Variants in PRICKLE2 observed in about 807,000 individuals in gnomAD.
PRICKLE2 encodes prickle-like protein 2.
A neutral mutation model predicts 81.4 loss-of-function variants in PRICKLE2; 21 were observed. The observed-to-expected ratio is 0.26, with a 90% CI of 0.18 to 0.37. The LOEUF (loss-of-function observed/expected upper bound fraction) is 0.37. Among genes scored for constraint, PRICKLE2 ranks in the 10% least tolerant of loss-of-function variants. The probability of loss-of-function intolerance (pLI) is 1.00; values close to 1 mark genes in which losing one functional copy is unlikely to be tolerated. For synonymous variants in PRICKLE2, 456 were observed against 421.5 expected, an observed-to-expected ratio of 1.08 and a Z score of -1.00; for missense variants, 940 against 1,109.0, an observed-to-expected ratio of 0.85 and a Z score of 2.16.
intron 1 of PRICKLE2, among the ~76,000 whole-genome samples, chr3:64,211,034 A>C (rs146088038): frequency 1.9e-3 from 294 of 152,288 alleles, no homozygotes; most frequent in African/African-American, 6.8e-3. Flanking sequence ...CCTCTGGGAG[A>C]CAGTACAGAA....
At chr3:64,257,482 A>G (rs142561626) in intron 2 of PRICKLE2, among the ~76,000 whole-genome samples, 294 of 152,280 alleles carry the variant, frequency 1.9e-3, no homozygotes, top group African/African-American at 6.8e-3. Flanking sequence ...AGGGAAGAAA[A>G]GGCTGATTTG....
At chr3:64,116,382 G>C (rs2076934249) in intron 7 of PRICKLE2, among the ~76,000 whole-genome samples, 1 of 151,402 alleles carries the variant, frequency 6.6e-6, no homozygotes, top group South Asian at 2.1e-4. Flanking sequence ...ACACAAAAAA[G>C]CCATTCAAAA....
At chr3:64,180,275 A>G (rs1372405840) in intron 2 of PRICKLE2, among the ~76,000 whole-genome samples, 1 of 152,210 alleles carries the variant, frequency 6.6e-6, no homozygotes, top group Non-Finnish European at 1.5e-5. Context: ...CCAATTCCTG[A>G]GAGTTATCTA....
Position 64,096,908 on chromosome 3 carries a change from A to C in PRICKLE2, c.*2143T>G, listed in dbSNP as rs757984307. 3.3e-5 allele frequency: 5 copies of C among 152,614 alleles called. No homozygotes were observed. The highest frequency in any genetic ancestry group is 7.4e-5 in the Non-Finnish European group (5 of 68,026). The allele number at this position is 152,614 out of a possible 1,614,324, so 9.5% of individuals were successfully genotyped here. A position where few individuals can be genotyped will look rare whatever the true frequency, so the allele number is the denominator to read the frequency against. On this transcript the variant is annotated 3_prime_UTR_variant, in exon 8 of 8. Coordinates refer to ENST00000638394, the MANE Select transcript of PRICKLE2 (RefSeq NM_198859.4). ...CTACTTTTCCCCCTCTCTTTTTCCA[A>C]AATTGCCTTTTTAGTTTCATCAATC...
intron 2 of PRICKLE2, among the ~76,000 whole-genome samples, chr3:64,239,850 C>T (rs1333554486): frequency 6.7e-6 from 1 of 149,070 alleles, no homozygotes; most frequent in Non-Finnish European, 1.5e-5. Context: ...TGCTGTGGCT[C>T]ATGCCTGTAA....
chr3:64,202,717 TAG>T (rs1343183724), intron 1 of PRICKLE2, among the ~76,000 whole-genome samples: 2 of 151,562 alleles, frequency 1.3e-5, no homozygotes, highest in Admixed American at 6.6e-5. Flanking sequence ...CATGTGCAAA[TAG>T]AGAGTTTTAC....
chr3:64,162,440 A>G (rs969587234), intron 3 of PRICKLE2, among the ~76,000 whole-genome samples: 4 of 152,186 alleles, frequency 2.6e-5, no homozygotes, highest in African/African-American at 9.7e-5. Flanking sequence ...TTCTGGGTTC[A>G]GAAAAAAGGA....
Position 64,147,804 on chromosome 3 carries a change from C to G in PRICKLE2, c.788-102G>C, listed in dbSNP as rs2107016678. 2 of 1,264,114 alleles carry G rather than the reference C, an allele frequency of 1.6e-6. No homozygotes were observed. Among genetic ancestry groups the G allele is most frequent in the East Asian group, 4.7e-5 (2 of 42,734 alleles). 78.3% of individuals were successfully genotyped at this position (1,264,114 alleles called of 1,614,324 possible). A position where few individuals can be genotyped will look rare whatever the true frequency, so the allele number is the denominator to read the frequency against. On this transcript the variant is annotated intron_variant, in intron 6 of 7. Coordinates refer to ENST00000638394, the MANE Select transcript of PRICKLE2 (RefSeq NM_198859.4). This position sits in a 1 kb window ranked among gnomAD's most constrained non-coding sequence, Gnocchi z 5.0. Reference sequence around the variant, plus strand: ...TTGGTTTGTCTCAGGATTCCAGGTGCGGCAGGATAAACTGTCAATAAATCA... The same window carrying G: ...TTGGTTTGTCTCAGGATTCCAGGTGGGGCAGGATAAACTGTCAATAAATCA...
At chr3:64,229,313 A>G (rs1011540426), upstream of PRICKLE2, among the ~76,000 whole-genome samples, 10 of 152,174 alleles carry the variant, frequency 6.6e-5, no homozygotes, top group Non-Finnish European at 1.5e-4. Context: ...GGGAAAGGTC[A>G]AGTACATCTC....
At position 64,195,628 on chromosome 3, in the gene PRICKLE2, G is replaced by A. The variant is rs143342774; in HGVS notation, c.144+3156C>T. On this transcript the variant is annotated intron_variant, in intron 2 of 7. Coordinates refer to ENST00000638394, the MANE Select transcript of PRICKLE2 (RefSeq NM_198859.4). ...AACATCAGAATTTTTATTAGTGAACGGCATTTAGGAACTCAATTTTTTCTT... is the reference window on the plus strand; with the variant it reads ...AACATCAGAATTTTTATTAGTGAACAGCATTTAGGAACTCAATTTTTTCTT... Among the ~76,000 whole-genome samples the A allele has an allele frequency of 4.4e-4, 67 of 151,646 alleles. 1 individual carries two copies. Among genetic ancestry groups the A allele is most frequent in the East Asian group, 3.7e-3 (19 of 5,172 alleles).
intron 1 of PRICKLE2, among the ~76,000 whole-genome samples, chr3:64,206,273 T>G (rs1333119128): frequency 6.6e-6 from 1 of 152,112 alleles, no homozygotes; most frequent in Non-Finnish European, 1.5e-5. Context: ...CAAGCACAGC[T>G]CAAGGCCACT....
chr3:64,217,929 G>A (rs771260372), intron 1 of PRICKLE2, among the ~76,000 whole-genome samples: 5 of 152,092 alleles, frequency 3.3e-5, no homozygotes, highest in South Asian at 2.1e-4. Context: ...CAACCTCTTC[G>A]GGCTTCCTTA....
rs190503920 is a variant in PRICKLE2, at chr3:64,259,302, C to T, written c.129-60335G>A. On this transcript the variant is annotated intron_variant, in intron 2 of 8. Transcript: ENST00000295902. ...ATATTCACTTGTGCTAAGTGCACCA[C>T]AAGTTTTATCTCATTTAATTTTATA... Among the ~76,000 whole-genome samples the T allele has an allele frequency of 2.8e-3, 421 of 152,252 alleles. 1 individual carries two copies. The highest frequency in any genetic ancestry group is 4.9e-3 in the Non-Finnish European group (330 of 68,022).
In PRICKLE2 at chr3:64,153,214, G is replaced by A. The variant is rs2077574781; in HGVS notation, c.755C>T (p.Ala252Val). 1 of 1,614,076 alleles carries A rather than the reference G, an allele frequency of 6.2e-7. No individual in the cohort carries two copies. Among genetic ancestry groups the A allele is most frequent in the Non-Finnish European group, 8.5e-7 (1 of 1,180,038 alleles). The stretch of plus-strand genomic sequence containing the variant: ...TTGGGCACAGGTGTCACAATATTCT[G>A]CATACAAGGACTCGAAGCAGTGGCA... Reference protein sequence around the residue: ...YCCHCFESLYAEYCDTCAQHI... With the variant: ...YCCHCFESLYVEYCDTCAQHI... Residue 252 changes from alanine to valine, a missense_variant, in exon 6 of 8, where the codon GCA (alanine) becomes GTA (valine). Ala to Val is a moderately conservative substitution (Grantham distance 64, BLOSUM62 0). Transcript: ENST00000638394.
chr3:64,149,278 C>G (rs760516181), intron 6 of PRICKLE2, among the ~76,000 whole-genome samples: 1 of 152,162 alleles, frequency 6.6e-6, no homozygotes, highest in Non-Finnish European at 1.5e-5. Flanking sequence ...TGATCTGGGG[C>G]CCAACATAGG....
intron 6 of PRICKLE2, among the ~76,000 whole-genome samples, chr3:64,148,169 C>T (rs148802337): frequency 5.3e-4 from 80 of 152,278 alleles, no homozygotes; most frequent in African/African-American, 1.8e-3. Context: ...GAACCAGAGA[C>T]GAGATCTGTA....
chr3:64,129,121 C>A (rs78263660), intron 7 of PRICKLE2, among the ~76,000 whole-genome samples: 3 of 151,916 alleles, frequency 2.0e-5, no homozygotes, highest in Non-Finnish European at 4.4e-5. Flanking sequence ...GGGATCAGGG[C>A]GTAAAATCAT....
intron 2 of PRICKLE2, among the ~76,000 whole-genome samples, chr3:64,170,445 C>CTATT (rs1168497178): frequency 2.0e-5 from 3 of 152,186 alleles, no homozygotes; most frequent in African/African-American, 7.2e-5. Context: ...CTCGCCTGAG[C>CTATT]TATTGCTGTG....
chr3:64,255,786 G>A (rs991595496), intron 2 of PRICKLE2, among the ~76,000 whole-genome samples: 1 of 152,178 alleles, frequency 6.6e-6, no homozygotes, highest in African/African-American at 2.4e-5. Flanking sequence ...AAAGACGTGT[G>A]GTCATATGTC....
Sources: gnomAD v4.1 joint callset for allele counts (sites outside exome capture counted in the v4.1 genomes callset) on GRCh38, gnomAD v4.1.1 for gene constraint, Gnocchi (gnomAD v3.1) non-coding constraint, MANE v1.5 for transcripts, NCBI Gene and HGNC (gene_info 2026-07-23, HGNC 2026-07-21) for gene names.